The following KIF1C variants were observed in gnomAD, a reference collection of about 807,000 sequenced individuals.
KIF1C encodes the protein kinesin-like protein KIF1C.
Under a neutral mutation model 126.5 loss-of-function variants are expected in KIF1C, and 61 were observed. The observed-to-expected ratio is 0.48, with a 90% CI of 0.39 to 0.60. KIF1C has a LOEUF of 0.60. Among genes scored for constraint, KIF1C ranks in the 20% least tolerant of loss-of-function variants. The pLI is 0.00. For synonymous variants in KIF1C, 640 were observed against 580.6 expected (o/e 1.10, Z -1.47); for missense variants, 1,315 against 1,489.2 (o/e 0.88, Z 1.93).
Position 5,004,904 on chromosome 17 carries a change from G to C in KIF1C, c.1069G>C (p.Asp357His), listed in dbSNP as rs1396825705. Reference protein sequence around the residue: ...QIRCNAIINEDPNARLIRELQ... With the variant: ...QIRCNAIINEHPNARLIRELQ... ...CCGCTGCAATGCCATCATCAACGAGGACCCTAATGCCCGGCTGATTAGAGA... is the reference window on the plus strand; with the variant it reads ...CCGCTGCAATGCCATCATCAACGAGCACCCTAATGCCCGGCTGATTAGAGA... Residue 357 changes from aspartate to histidine, a missense_variant, in exon 13 of 23, where the codon GAC becomes CAC. Physicochemically the swap from Asp to His is moderately conservative, Grantham distance 81. Coordinates refer to ENST00000320785, the MANE Select transcript of KIF1C (RefSeq NM_006612.6). The C allele has an allele frequency of 1.2e-6, 2 of 1,614,232 alleles. No individual in the cohort carries two copies. Among genetic ancestry groups the C allele is most frequent in the Admixed American group, 1.7e-5 (1 of 60,024 alleles).
intron 16 of KIF1C, chr17:5,012,054 A>T (rs1974879170): frequency 1.3e-5 from 2 of 152,176 alleles, no homozygotes; most frequent in Admixed American, 1.3e-4. Flanking sequence ...AACTTAAACA[A>T]GGGCATGAGA....
chr17:5,001,209 C>T lies in KIF1C; in HGVS notation c.184-13C>T, dbSNP rs1252544415. 6.2e-6 allele frequency: 10 copies of T among 1,613,132 alleles called. No individual in the cohort carries two copies. The highest frequency in any genetic ancestry group is 1.6e-4 in the Middle Eastern group (1 of 6,080). ...GGGTTACTCTGTTTTTCTCTGCCCC[C>T]ACTTTCTCCTAGACGGAGGACCCCC... is the stretch of plus-strand genomic sequence containing the variant. On this transcript the variant is annotated splice_polypyrimidine_tract_variant and intron_variant, in intron 4 of 22. Transcript: ENST00000320785.
chr17:5,017,071 T>A (rs1555571260), intron 18 of KIF1C, among the ~76,000 whole-genome samples: 1 of 152,048 alleles, frequency 6.6e-6, no homozygotes, highest in African/African-American at 2.4e-5. Flanking sequence ...ATTGCCAAGT[T>A]CCTGTTCTGC....
intron 11 of KIF1C, 37 bp from the exon 12 acceptor site, chr17:5,004,530 C>G (rs1309305914): frequency 6.2e-7 from 1 of 1,600,364 alleles, no homozygotes; most frequent in African/African-American, 1.3e-5. Flanking sequence ...CTTAGCCCCT[C>G]CCTCAGCTGA....
At position 5,024,208 on chromosome 17, in the gene KIF1C, G is replaced by T. The variant is rs1199990776; in HGVS notation, c.*57G>T. ...GCCCCTTGCTAGGAGAAGGGAAGAC[G>T]CCCGAGACGCTGCTTCCCCAGAAGT... On this transcript the variant is annotated 3_prime_UTR_variant, in exon 23 of 23. Coordinates refer to ENST00000320785, the MANE Select transcript of KIF1C (RefSeq NM_006612.6). 2.4e-6 allele frequency: 3 copies of T among 1,252,596 alleles called. No homozygotes were observed. Among genetic ancestry groups the T allele is most frequent in the African/African-American group, 1.5e-5 (1 of 66,262 alleles). The allele number at this position is 1,252,596 out of a possible 1,614,324, so 77.6% of individuals were successfully genotyped here. A position where few individuals can be genotyped will look rare whatever the true frequency, so the allele number is the denominator to read the frequency against.
At position 5,023,853 on chromosome 17, in the gene KIF1C, C is replaced by T; in HGVS notation, c.3014C>T (p.Pro1005Leu). 1 of 1,526,398 alleles carries T rather than the reference C, an allele frequency of 6.6e-7. No individual in the cohort carries two copies. Among genetic ancestry groups the T allele is most frequent in the Non-Finnish European group, 8.8e-7 (1 of 1,137,320 alleles). 94.6% of individuals were successfully genotyped at this position (1,526,398 alleles called of 1,614,324 possible). A position where few individuals can be genotyped will look rare whatever the true frequency, so the allele number is the denominator to read the frequency against. ...GGGGAGGCTCCAACTCCGCTCCAAC[C>T]CCCTGAGGAGGTCACTCCCCATCCA... ...GSGEAPTPLQ[P>L]PEEVTPHPAT... Residue 1005 changes from proline (P) to leucine (L), a missense_variant, in exon 23 of 23, where the codon CCC becomes CTC. Physicochemically the swap from Pro to Leu is moderately conservative, Grantham distance 98 (BLOSUM62 -3). Around this residue, in one of 2 missense-constraint regions of KIF1C, gnomAD observed 441 missense variants for 436.1 expected, o/e 1.01. Coordinates refer to ENST00000320785, the MANE Select transcript of KIF1C (RefSeq NM_006612.6). The surrounding 1 kb of genome is among the most constrained non-coding windows in gnomAD (Gnocchi z 4.2).
intron 5 of KIF1C, 51 bp from the exon 6 acceptor site, chr17:5,002,008 A>C: frequency 6.5e-7 from 1 of 1,545,640 alleles, no homozygotes. Context: ...TGGACACTTT[A>C]GGTGTGCCCT....
intron 16 of KIF1C, among the ~76,000 whole-genome samples, chr17:5,012,661 AG>A (rs1324846081): frequency 1.3e-5 from 2 of 152,110 alleles, no homozygotes; most frequent in African/African-American, 4.8e-5. Flanking sequence ...GGGAGACCTA[AG>A]GGGTGGCAGG....
rs1370326528 is a variant in KIF1C, at chr17:5,025,755, G to C, written c.*1604G>C. The C allele has an allele frequency of 6.6e-6, 1 of 152,222 alleles. No individual in the cohort carries two copies. The highest frequency in any genetic ancestry group is 6.5e-5 in the Admixed American group (1 of 15,274). The allele number at this position is 152,222 out of a possible 1,614,324, so 9.4% of individuals were successfully genotyped here. Reference sequence around the variant, plus strand: ...GAATGGCATGAACCTGGGAGGCGGAGCTTGCAGTGAGCTGAGATTGCGCCA... The same window carrying C: ...GAATGGCATGAACCTGGGAGGCGGACCTTGCAGTGAGCTGAGATTGCGCCA... On this transcript the variant is annotated 3_prime_UTR_variant, in exon 23 of 23. Transcript: ENST00000320785.
intron 1 of KIF1C, chr17:4,999,066 G>A (rs990728932): frequency 6.6e-6 from 1 of 152,234 alleles, no homozygotes; most frequent in Non-Finnish European, 1.5e-5. Context: ...GGCGCCCCAA[G>A]GGTGGAGCCC....
chr17:5,004,784 G>A, intron 12 of KIF1C, 71 bp from the exon 13 acceptor site: 1 of 1,607,338 alleles, frequency 6.2e-7, no homozygotes, highest in Non-Finnish European at 8.5e-7. Flanking sequence ...CTGGGAGAGG[G>A]GGAAGGAGAA....
At chr17:5,002,214 C>A in intron 6 of KIF1C, 90 bp downstream of exon 6, 3 of 1,266,690 alleles carry the variant, frequency 2.4e-6, no homozygotes, top group Non-Finnish European at 3.5e-6. Flanking sequence ...CTAATCCTGG[C>A]TCTGCTGGTT....
intron 18 of KIF1C, 100 bp from the exon 19 acceptor site, chr17:5,019,896 C>T (rs1474153616): frequency 1.2e-6 from 1 of 826,358 alleles, no homozygotes; most frequent in Non-Finnish European, 2.0e-6. Context: ...ACTGGTGGTG[C>T]ATGTGTGGTT....
intron 18 of KIF1C, among the ~76,000 whole-genome samples, chr17:5,016,769 G>T (rs566488135): frequency 6.6e-6 from 1 of 151,754 alleles, no homozygotes; most frequent in Non-Finnish European, 1.5e-5. Context: ...AGCTGGGCAT[G>T]GTGGCGAACG....
chr17:5,014,086 G>A (rs930671756), intron 17 of KIF1C: 24 of 257,370 alleles, frequency 9.3e-5, no homozygotes, highest in Middle Eastern at 1.2e-3. Context: ...TGGTCTGTGC[G>A]GTTGAGGGCT....
chr17:5,022,898 C>T lies in KIF1C; in HGVS notation c.2628+189C>T, dbSNP rs1432914196. Reference sequence around the variant, plus strand: ...ACCAGGCTGCTAATTAAAATAGATTCCCGGGTTCCACCCCAGACCTACTGA... The same window carrying T: ...ACCAGGCTGCTAATTAAAATAGATTTCCGGGTTCCACCCCAGACCTACTGA... On this transcript the variant is annotated intron_variant, in intron 22 of 22. Transcript: ENST00000320785. The surrounding 1 kb of genome is among the most constrained non-coding windows in gnomAD (Gnocchi z 4.9). Among the ~76,000 whole-genome samples, 1 of 152,232 alleles carries T rather than the reference C, an allele frequency of 6.6e-6. No homozygotes were observed. The highest frequency in any genetic ancestry group is 1.5e-5 in the Non-Finnish European group (1 of 68,042).
At chr17:5,014,892 C>G (rs1832133393) in intron 18 of KIF1C, 55 bp downstream of exon 18, 4 of 1,396,850 alleles carry the variant, frequency 2.9e-6, no homozygotes, top group Non-Finnish European at 4.0e-6. Context: ...CCATGTTCCA[C>G]CCCACACACT....
At position 5,007,464 on chromosome 17, in the gene KIF1C, C is replaced by T; in HGVS notation, c.1416-3C>T. The T allele has an allele frequency of 6.3e-7, 1 of 1,595,348 alleles. No individual in the cohort carries two copies. The highest frequency in any genetic ancestry group is 8.5e-7 in the Non-Finnish European group (1 of 1,169,616). ...CTGACATTTGCCTCTCCTCTGCCCA[C>T]AGAGAAGCATTGCTGGCTGAGATGG... On this transcript the variant is annotated splice_polypyrimidine_tract_variant and splice_region_variant and intron_variant, in intron 15 of 22. Coordinates refer to ENST00000320785, the MANE Select transcript of KIF1C (RefSeq NM_006612.6).
Position 5,023,559 on chromosome 17 carries a change from G to T in KIF1C, c.2720G>T (p.Arg907Leu), listed in dbSNP as rs199975737. Residue 907 changes from arginine (R) to leucine (L), a missense_variant, in exon 23 of 23, where the codon CGC (arginine) becomes CTC (leucine). By Grantham distance (102) the Arg-to-Leu change is moderately radical. This residue lies in a region of KIF1C where 441 missense variants were observed against 436.1 expected (regional missense o/e 1.01). Transcript: ENST00000320785. This position sits in a 1 kb window ranked among gnomAD's most constrained non-coding sequence, Gnocchi z 4.2. ...GCAGAGGAGGCAGCCCCCAGTGACC[G>T]CATGCCGTCAGCCCGGCCCCCCTCG... ...EAAEEAAPSD[R>L]MPSARPPSPP... 3.1e-6 allele frequency: 5 copies of T among 1,613,658 alleles called. No individual in the cohort carries two copies. The highest frequency in any genetic ancestry group is 2.7e-5 in the African/African-American group (2 of 75,004).
Sources: gnomAD v4.1 joint callset for allele counts (sites outside exome capture counted in the v4.1 genomes callset) on GRCh38, gnomAD v4.1.1 for gene constraint, gnomAD v4.1.1 regional missense constraint, Gnocchi (gnomAD v3.1) non-coding constraint, MANE v1.5 for transcripts, NCBI Gene and HGNC (gene_info 2026-07-23, HGNC 2026-07-21) for gene names.